The following TTC16 variants were observed in gnomAD, a reference collection of about 807,000 sequenced individuals.
TTC16 encodes tetratricopeptide repeat domain 16.
A neutral mutation model predicts 80.4 loss-of-function variants in TTC16; 66 were observed. The ratio of observed to expected loss-of-function variants is 0.82; its 90% CI spans 0.67 to 1.01. The LOEUF (loss-of-function observed/expected upper bound fraction) is 1.01, where lower values mean the gene tolerates loss of function less well. TTC16 is among the 50% of genes least tolerant of loss of function. TTC16 has a pLI of 0.00. For synonymous variants in TTC16, 438 were observed against 451.3 expected (o/e 0.97, Z 0.37); for missense variants, 1,070 against 1,103.2 (o/e 0.97, Z 0.43).
Position 127,724,823 on chromosome 9 carries a change from C to T in TTC16, c.1185C>T (p.Ser395=), listed in dbSNP as rs17852940. The T allele has an allele frequency of 6.2e-7, 1 of 1,606,370 alleles. No individual in the cohort carries two copies. The highest frequency in any genetic ancestry group is 8.5e-7 in the Non-Finnish European group (1 of 1,177,422). The change falls in exon 9 of 14, where the codon AGC becomes AGT. Residue 395 remains serine (S), a synonymous_variant. Coordinates refer to ENST00000373289, the MANE Select transcript of TTC16 (RefSeq NM_144965.3). ...ACTACCAGCAGGCGCTGGCGCTGAG[C>T]CCTCAGGACGAGGGCGCCAACACGC... The part of the protein sequence containing the change: ...EADYQQALAL[S]PQDEGANTRM...
chr9:127,731,176 T>G lies in TTC16; in HGVS notation c.2393T>G (p.Leu798Arg), dbSNP rs760114220. 6.2e-7 allele frequency: 1 copy of G among 1,612,726 alleles called. No homozygotes were observed. The highest frequency in any genetic ancestry group is 8.5e-7 in the Non-Finnish European group (1 of 1,179,864). ...VDATQGRSRG[L>R]LRSSTKTEAF... ...GCCACCCAGGGCCGAAGCAGGGGAC[T>G]GCTCCGAAGTTCCACCAAGACTGAG... The change falls in exon 14 of 14, where the codon CTG (leucine) becomes CGG (arginine). Residue 798 changes from leucine to arginine, a missense_variant. Physicochemically the swap from Leu to Arg is moderately radical, Grantham distance 102 (BLOSUM62 -2). Coordinates refer to ENST00000373289, the MANE Select transcript of TTC16 (RefSeq NM_144965.3).
rs766282870 is a variant in TTC16, at chr9:127,724,864, A to G, written c.1226A>G (p.Gln409Arg). The G allele has an allele frequency of 2.5e-6, 4 of 1,578,544 alleles. No individual in the cohort carries two copies. Among genetic ancestry groups the G allele is most frequent in the Non-Finnish European group, 8.6e-7 (1 of 1,164,576 alleles). Residue 409 changes from glutamine to arginine, a missense_variant, in exon 9 of 14, where the codon CAG becomes CGG. Coordinates refer to ENST00000373289, the MANE Select transcript of TTC16 (RefSeq NM_144965.3). ...EGANTRMGLLQEKMGFCEQRR... is the reference protein window; with the variant it reads ...EGANTRMGLLREKMGFCEQRR... ...GCCAACACGCGCATGGGCCTGCTGC[A>G]GGAGAAGATGGGCTTCTGCGAGCAG...
At chr9:127,726,443 C>G (rs746513731) in intron 10 of TTC16, 39 bp downstream of exon 10, 13 of 1,511,718 alleles carry the variant, frequency 8.6e-6, no homozygotes, top group South Asian at 1.3e-5. Context: ...GCTCCGGAGT[C>G]ATGCCCGGTG....
chr9:127,716,229 G>T, intron 1 of TTC16, 66 bp downstream of exon 1: 1 of 1,610,576 alleles, frequency 6.2e-7, no homozygotes, highest in Non-Finnish European at 8.5e-7. Context: ...GGCTGGGTTC[G>T]CAGGAAAGGG....
At position 127,724,108 on chromosome 9, in the gene TTC16, C is replaced by CA; in HGVS notation, c.873-12_873-11insA. On this transcript the variant is annotated splice_polypyrimidine_tract_variant and intron_variant, in intron 7 of 13. Transcript: ENST00000373289. ...ATGTCCCTCCTGCCGTCTCCCACGCCCCCCCCGACAGGGGCACCATGTACC... is the reference window on the plus strand; with the variant it reads ...ATGTCCCTCCTGCCGTCTCCCACGCCACCCCCCGACAGGGGCACCATGTACC... 1 of 1,596,170 alleles carries CA rather than the reference C, an allele frequency of 6.3e-7. No individual in the cohort carries two copies. The highest frequency in any genetic ancestry group is 8.5e-7 in the Non-Finnish European group (1 of 1,170,048).
chr9:127,727,487 G>A (rs899411149), intron 12 of TTC16, 22 bp downstream of exon 12: 1 of 1,551,578 alleles, frequency 6.4e-7, no homozygotes, highest in Admixed American at 2.0e-5. Flanking sequence ...ACAGGCCAGG[G>A]CTCGGAGCCC....
At position 127,717,583 on chromosome 9, in the gene TTC16, G is replaced by A. The variant is rs757221065; in HGVS notation, c.283-46G>A. On this transcript the variant is annotated intron_variant, in intron 3 of 13. Transcript: ENST00000373289. ...GGAGACTTTCCCCTACCCTCCAGGG[G>A]CAGATGGTGGGGAGGATCTAGCAGC... The A allele has an allele frequency of 3.7e-6, 6 of 1,604,900 alleles. No homozygotes were observed. In the African/African-American group the frequency reaches 6.7e-5, roughly 18 times the overall value.
Position 127,722,450 on chromosome 9 carries a change from G to T in TTC16, c.658-669G>T, listed in dbSNP as rs768558981. ...CAAAGGTCAGGGAGGAGAAGAGGGA[G>T]TGCAGGGGAGGGGAGGGAGGACACA... On this transcript the variant is annotated intron_variant, in intron 6 of 13. Coordinates refer to ENST00000373289, the MANE Select transcript of TTC16 (RefSeq NM_144965.3). The surrounding 1 kb of genome is among the most constrained non-coding windows in gnomAD (Gnocchi z 4.2). Among the ~76,000 whole-genome samples, 10 of 152,184 alleles carry T rather than the reference G, an allele frequency of 6.6e-5. No homozygotes were observed. The highest frequency in any genetic ancestry group is 1.3e-4 in the Admixed American group (2 of 15,278).
chr9:127,717,107 G>A, intron 2 of TTC16, 91 bp downstream of exon 2: 1 of 1,517,382 alleles, frequency 6.6e-7, no homozygotes, highest in Non-Finnish European at 9.1e-7. Context: ...CTCTCTTCAG[G>A]CCTCAGTGAA....
At chr9:127,720,419 G>T in intron 6 of TTC16, 24 bp downstream of exon 6, 1 of 1,604,134 alleles carries the variant, frequency 6.2e-7, no homozygotes, top group South Asian at 1.1e-5. Flanking sequence ...GGCGGGCAGG[G>T]GCATGCCCCC....
rs747991354 is a variant in TTC16, at chr9:127,731,119, G to A, written c.2336G>A (p.Arg779His). Residue 779 changes from arginine to histidine, a missense_variant, in exon 14 of 14, where the codon CGT becomes CAT. Coordinates refer to ENST00000373289, the MANE Select transcript of TTC16 (RefSeq NM_144965.3). ...AGGCCCAGAAAGGTCAAGGCTGCTC[G>A]TGGCCGGAGCTGGAGACCCAGCAAG... is the stretch of plus-strand genomic sequence containing the variant. ...RQRPRKVKAA[R>H]GRSWRPSKVD... 2.5e-5 allele frequency: 41 copies of A among 1,611,376 alleles called. No individual in the cohort carries two copies. The highest frequency in any genetic ancestry group is 8.4e-5 in the Admixed American group (5 of 59,742).
Position 127,730,914 on chromosome 9 carries a change from AAG to A in TTC16, c.2132_2133del (p.Lys711SerfsTer26). 3 of 1,613,284 alleles carry A rather than the reference AAG, an allele frequency of 1.9e-6. No individual in the cohort carries two copies. Among genetic ancestry groups the A allele is most frequent in the Non-Finnish European group, 2.5e-6 (3 of 1,179,870 alleles). On this transcript the variant is annotated frameshift_variant, in exon 14 of 14. Coordinates refer to ENST00000373289, the MANE Select transcript of TTC16 (RefSeq NM_144965.3). LOFTEE classifies it low-confidence loss of function (END_TRUNC). ...ACACAAGAGGAACTCCAGCAAGACC[AAG>A]GCCACCCAAAGCCAGAGGCGGAACT... ...TIHKRNSSKT[K>X]ATQSQRRNSS...
intron 8 of TTC16, 49 bp downstream of exon 8, chr9:127,724,413 C>T: frequency 6.2e-7 from 1 of 1,601,286 alleles, no homozygotes. Context: ...GGGAGCCTCG[C>T]CATCTCTAAG....
chr9:127,727,533 C>A (rs1288379342), intron 12 of TTC16, 68 bp downstream of exon 12: 1 of 1,525,594 alleles, frequency 6.6e-7, no homozygotes, highest in East Asian at 2.5e-5. Flanking sequence ...CAGCCCAGGG[C>A]TGAAGGATGC....
At chr9:127,727,508 G>A in intron 12 of TTC16, 43 bp downstream of exon 12, 2 of 1,546,500 alleles carry the variant, frequency 1.3e-6, no homozygotes, top group Non-Finnish European at 1.7e-6. Context: ...TTGGGGTCTG[G>A]GGCACAGCGT....
At position 127,731,211 on chromosome 9, in the gene TTC16, G is replaced by C. The variant is rs781444187; in HGVS notation, c.2428G>C (p.Asp810His). 43 of 1,612,708 alleles carry C rather than the reference G, an allele frequency of 2.7e-5. No individual in the cohort carries two copies. The highest frequency in any genetic ancestry group is 3.6e-5 in the Non-Finnish European group (43 of 1,179,916). ...RSSTKTEAFY[D>H]SNWSLSKTEY... ...TTCCACCAAGACTGAGGCTTTCTAT[G>C]ACTCAAACTGGAGCCTCAGCAAAAC... The change falls in exon 14 of 14, where the codon GAC becomes CAC. Residue 810 changes from aspartate (D) to histidine (H), a missense_variant. By Grantham distance (81) the Asp-to-His change is moderately conservative. Transcript: ENST00000373289.
Position 127,731,100 on chromosome 9 carries a change from A to G in TTC16, c.2317A>G (p.Arg773Gly). The G allele has an allele frequency of 6.2e-7, 1 of 1,611,936 alleles. No homozygotes were observed. Among genetic ancestry groups the G allele is most frequent in the East Asian group, 2.2e-5 (1 of 44,860 alleles). ...CACCCGGAGCCCAAGGCAGAGGCCC[A>G]GAAAGGTCAAGGCTGCTCGTGGCCG... ...KTTRSPRQRP[R>G]KVKAARGRSW... The change falls in exon 14 of 14, where the codon AGA becomes GGA. Residue 773 changes from arginine to glycine, a missense_variant. Arg to Gly is a moderately radical substitution (Grantham distance 125). Coordinates refer to ENST00000373289, the MANE Select transcript of TTC16 (RefSeq NM_144965.3).
chr9:127,728,111 T>C (rs1844124518), intron 12 of TTC16: 1 of 152,244 alleles, frequency 6.6e-6, no homozygotes, highest in Non-Finnish European at 1.5e-5. Flanking sequence ...AAATCATAAG[T>C]ACCGGTTTGA....
At chr9:127,725,345 A>C (rs1430798388) in intron 9 of TTC16, among the ~76,000 whole-genome samples, 3 of 151,338 alleles carry the variant, frequency 2.0e-5, no homozygotes, top group Non-Finnish European at 4.4e-5. Flanking sequence ...CGGGCGGATC[A>C]CAAGGTCAGG....
Sources: gnomAD v4.1 joint callset for allele counts (sites outside exome capture counted in the v4.1 genomes callset) on GRCh38, gnomAD v4.1.1 for gene constraint, Gnocchi (gnomAD v3.1) non-coding constraint, MANE v1.5 for transcripts, NCBI Gene and HGNC (gene_info 2026-07-23, HGNC 2026-07-21) for gene names.